BRF1: variants seen among roughly 807,000 people sequenced by gnomAD.
BRF1 encodes the protein transcription factor IIIB 90 kDa subunit.
A neutral mutation model predicts 81.7 loss-of-function variants in BRF1; 59 were observed. The observed-to-expected ratio is 0.72, with a 90% CI of 0.59 to 0.90. BRF1 has a LOEUF of 0.90. Ranked by LOEUF, BRF1 falls within the 40% of genes least tolerant of loss-of-function variation. The probability of loss-of-function intolerance (pLI) is 0.00; values close to 1 mark genes in which losing one functional copy is unlikely to be tolerated. For missense variants in BRF1, 1,050 were observed against 936.3 expected (o/e 1.12, Z -1.58); for synonymous variants, 491 against 395.6 (o/e 1.24, Z -2.86).
chr14:105,247,846 G>A (rs587686968), intron 5 of BRF1: 189 of 985,672 alleles, frequency 1.9e-4, no homozygotes, highest in Non-Finnish European at 2.2e-4. Flanking sequence ...GGCCTCTGAA[G>A]TCTGGTCTCC....
At chr14:105,305,870 C>T (rs2058172330), upstream of BRF1, among the ~76,000 whole-genome samples, 1 of 152,382 alleles carries the variant, frequency 6.6e-6, no homozygotes, top group Non-Finnish European at 1.5e-5. Context: ...CCTCTGTACT[C>T]CTCATTCAGC....
At chr14:105,241,676 T>C (rs2054660252) in intron 5 of BRF1, 2 of 532,304 alleles carry the variant, frequency 3.8e-6, no homozygotes, top group South Asian at 4.0e-5. Context: ...TCCTACTGCA[T>C]GGCCGCCCTG....
chr14:105,210,646 C>T lies in BRF1; in HGVS notation c.1997-58G>A. On this transcript the variant is annotated intron_variant, in intron 17 of 17. Coordinates refer to ENST00000547530, the MANE Select transcript of BRF1 (RefSeq NM_001519.4). This position sits in a 1 kb window ranked among gnomAD's most constrained non-coding sequence, Gnocchi z 4.7. ...CTCTGTGGGACCCAGGAGCCCAGAC[C>T]CCCCAACCCGCCCTGTTCCTGGTGC... The T allele has an allele frequency of 1.9e-6, 3 of 1,587,560 alleles. No homozygotes were observed. Among genetic ancestry groups the T allele is most frequent in the Non-Finnish European group, 2.6e-6 (3 of 1,165,536 alleles).
Position 105,309,763 on chromosome 14 carries a change from T to C in BRF1, c.-162+5559A>G, listed in dbSNP as rs587752071. The stretch of plus-strand genomic sequence containing the variant: ...AGATTAGCCTGCATTAAGGAGAAGG[T>C]GGTGATGTGTGTCTTTTTTTTTTTT... On this transcript the variant is annotated intron_variant, in intron 1 of 17. Coordinates refer to the BRF1 transcript ENST00000327359. This position sits in a 1 kb window ranked among gnomAD's most constrained non-coding sequence, Gnocchi z 4.0. 7.8e-4 allele frequency among the ~76,000 whole-genome samples: 107 copies of C among 136,706 alleles called. No homozygotes were observed. In the Middle Eastern group the frequency reaches 0.011, roughly 14 times the overall value. 89.7% of individuals were successfully genotyped at this position (136,706 alleles called of 152,430 possible).
chr14:105,219,798 T>C lies in BRF1; in HGVS notation c.1377+271A>G, dbSNP rs1891961767. The C allele has an allele frequency of 2.8e-5, 15 of 544,744 alleles. 1 individual carries two copies. The East Asian group carries it at 4.6e-4, about 17-fold the overall frequency. The allele number at this position is 544,744 out of a possible 1,614,324, so 33.7% of individuals were successfully genotyped here. ...GCTGCCCCTGGTGCTATTTGTGCGA[T>C]GTGTGCCTGCTGCAGGCTATGTGCC... On this transcript the variant is annotated intron_variant, in intron 12 of 17. Transcript: ENST00000547530.
intron 2 of BRF1, among the ~76,000 whole-genome samples, chr14:105,276,019 G>A (rs1308656979): frequency 3.0e-5 from 3 of 98,364 alleles, no homozygotes; most frequent in African/African-American, 1.7e-4. Flanking sequence ...ACAGTGAGAA[G>A]GAGCTGAGAG....
In BRF1 at chr14:105,218,980, A is replaced by G. The variant is rs1221346231; in HGVS notation, c.1515+18T>C. 2 of 1,613,682 alleles carry G rather than the reference A, an allele frequency of 1.2e-6. No homozygotes were observed. Among genetic ancestry groups the G allele is most frequent in the Non-Finnish European group, 8.5e-7 (1 of 1,179,964 alleles). ...GGACACCCCCAAGAAGGCCAGGCCC[A>G]GCGTCACAGGCGCCCACCTTGTGTT... On this transcript the variant is annotated intron_variant, in intron 14 of 17. Transcript: ENST00000547530.
At chr14:105,280,356 T>C (rs1336950540) in intron 2 of BRF1, among the ~76,000 whole-genome samples, 3 of 152,216 alleles carry the variant, frequency 2.0e-5, no homozygotes, top group Non-Finnish European at 4.4e-5. Context: ...AGATCAATGG[T>C]TGCTGGAGGC....
At chr14:105,229,483 A>T (rs1046029611) in intron 6 of BRF1, among the ~76,000 whole-genome samples, 5 of 152,168 alleles carry the variant, frequency 3.3e-5, no homozygotes, top group Non-Finnish European at 7.4e-5. Context: ...ATGAGGAGTG[A>T]GGGCCCTGCC....
chr14:105,249,277 G>T (rs1171751384), intron 5 of BRF1: 12 of 1,564,594 alleles, frequency 7.7e-6, no homozygotes, highest in South Asian at 1.1e-5. Context: ...CTCGGAACGC[G>T]TGCCCCGTCC....
Position 105,241,332 on chromosome 14 carries a change from C to T in BRF1, c.627G>A (p.Arg209=), listed in dbSNP as rs1378136690. 6 of 1,612,802 alleles carry T rather than the reference C, an allele frequency of 3.7e-6. No individual in the cohort carries two copies. Among genetic ancestry groups the T allele is most frequent in the Non-Finnish European group, 5.1e-6 (6 of 1,179,950 alleles). ...KNHEVSMTAL[R]LLQRMKRDWM... is the part of the protein sequence containing the mutation. ...AGTCCCGCTTCATCCTCTGTAGGAG[C>T]CTCAGGGCAGTCATGGACACCTCGT... is the stretch of plus-strand genomic sequence containing the variant. The change falls in exon 6 of 18, where the codon AGG becomes AGA. Residue 209 remains arginine (R), a synonymous_variant. Coordinates refer to ENST00000547530, the MANE Select transcript of BRF1 (RefSeq NM_001519.4).
chr14:105,252,514 C>T lies in BRF1; in HGVS notation c.537G>A (p.Pro179=), dbSNP rs770111071. 9.9e-6 allele frequency: 16 copies of T among 1,613,562 alleles called. No individual in the cohort carries two copies. The highest frequency in any genetic ancestry group is 2.7e-5 in the African/African-American group (2 of 74,904). Residue 179 remains proline (P), a synonymous_variant, in exon 5 of 18, where the codon CCG becomes CCA. Coordinates refer to ENST00000547530, the MANE Select transcript of BRF1 (RefSeq NM_001519.4). ...LLARELCINA[P]AIDPCLYIPR... ...TCTCACCCAGATGCCTACCTATGGCCGGCGCATTGATGCAGAGCTCTCTTG... is the reference window on the plus strand; with the variant it reads ...TCTCACCCAGATGCCTACCTATGGCTGGCGCATTGATGCAGAGCTCTCTTG...
At chr14:105,249,116 G>C (rs1249006063) in intron 5 of BRF1, 3 of 1,506,242 alleles carry the variant, frequency 2.0e-6, no homozygotes, top group East Asian at 2.7e-5. Context: ...CCCCGCGCCC[G>C]CGCGCGCCCA....
chr14:105,242,921 C>A (rs587658626), intron 5 of BRF1, among the ~76,000 whole-genome samples: 1 of 151,686 alleles, frequency 6.6e-6, no homozygotes, highest in South Asian at 2.1e-4. Flanking sequence ...ATCGAGACCA[C>A]CCTGGGCAAC....
rs1211023390 is a variant in BRF1 at position 105,210,026 on chromosome 14, C to A, written c.*525G>T. On this transcript the variant is annotated 3_prime_UTR_variant, in exon 18 of 18. Transcript: ENST00000547530. The surrounding 1 kb of genome is among the most constrained non-coding windows in gnomAD (Gnocchi z 4.7). ...TCAAGGAGCTGCTGCCTCTCAAGTG[C>A]CAGATCCTCAGCTCCCACGGCTGCG... 4.2e-6 allele frequency: 1 copy of A among 237,018 alleles called. No homozygotes were observed. The allele number at this position is 237,018 out of a possible 1,614,324, so 14.7% of individuals were successfully genotyped here.
intron 1 of BRF1, among the ~76,000 whole-genome samples, chr14:105,312,375 A>T (rs2140711669): frequency 6.6e-6 from 1 of 152,340 alleles, no homozygotes; most frequent in South Asian, 2.1e-4. Flanking sequence ...CCCGGGCAGC[A>T]CGTGGTAGGA....
intron 2 of BRF1, among the ~76,000 whole-genome samples, 163 bp downstream of exon 2, chr14:105,286,133 G>C (rs747170703): frequency 6.6e-6 from 1 of 152,218 alleles, no homozygotes; most frequent in African/African-American, 2.4e-5. Flanking sequence ...AGGGGACTCA[G>C]GGCACAATTC....
At chr14:105,268,639 C>T (rs760792132) in intron 3 of BRF1, among the ~76,000 whole-genome samples, 13 of 152,230 alleles carry the variant, frequency 8.5e-5, no homozygotes, top group Non-Finnish European at 1.6e-4. Flanking sequence ...TTGTATCCAG[C>T]CCTGGGCTCA....
At chr14:105,250,743 C>T in intron 5 of BRF1, 3 of 1,454,412 alleles carry the variant, frequency 2.1e-6, no homozygotes, top group East Asian at 2.3e-5. Flanking sequence ...TGCTTCTTGA[C>T]ACCATGAAAG....
Sources: allele counts gnomAD v4.1 joint callset (sites outside exome capture counted in the v4.1 genomes callset), GRCh38; gene constraint gnomAD v4.1.1; non-coding constraint Gnocchi (gnomAD v3.1); transcripts MANE v1.5; gene names NCBI Gene and HGNC (gene_info 2026-07-23, HGNC 2026-07-21).